The following EIF4G3 variants were observed in gnomAD, a reference collection of about 807,000 sequenced individuals.
EIF4G3 encodes eIF-4-gamma 3.
In EIF4G3, 34 loss-of-function variants were observed where a neutral mutation model predicts 186.4. The observed-to-expected ratio is 0.18, with a 90% confidence interval of 0.14 to 0.24. The LOEUF is 0.24. Ranked by LOEUF, EIF4G3 falls within the 10% of genes least tolerant of loss-of-function variation. The pLI, the probability that EIF4G3 is intolerant of heterozygous loss-of-function variation, is 1.00. For missense variants in EIF4G3, 1,536 were observed against 1,948.5 expected (o/e 0.79, Z 3.99); for synonymous variants, 673 against 679.5 (o/e 0.99, Z 0.15).
intron 14 of EIF4G3, among the ~76,000 whole-genome samples, chr1:20,932,072 G>C (rs1024539279): frequency 6.6e-6 from 1 of 152,126 alleles, no homozygotes; most frequent in Non-Finnish European, 1.5e-5. Context: ...AGATCATCTG[G>C]ATAACTTCCT....
At chr1:20,914,642 CAATAGAA>C (rs1373955695) in intron 14 of EIF4G3, among the ~76,000 whole-genome samples, 2 of 152,068 alleles carry the variant, frequency 1.3e-5, no homozygotes, top group Non-Finnish European at 2.9e-5. Context: ...ATTACAACAG[CAATAGAA>C]AATAGAAAAT....
intron 4 of EIF4G3, among the ~76,000 whole-genome samples, chr1:21,025,229 G>C (rs1244466659): frequency 6.6e-6 from 1 of 152,180 alleles, no homozygotes; most frequent in African/African-American, 2.4e-5. Context: ...ATTAGGGCCA[G>C]ACTAAAAAGA....
At chr1:20,910,787 A>G (rs2093069401) in intron 14 of EIF4G3, among the ~76,000 whole-genome samples, 1 of 152,198 alleles carries the variant, frequency 6.6e-6, no homozygotes, top group African/African-American at 2.4e-5. Flanking sequence ...AGAGTAGGTT[A>G]AGGTTAAAAA....
chr1:21,074,031 G>A (rs1572111043), intron 3 of EIF4G3, among the ~76,000 whole-genome samples: 1 of 152,030 alleles, frequency 6.6e-6, no homozygotes, highest in Admixed American at 6.6e-5. Context: ...CCACCATCTA[G>A]TAGAGTACCA....
chr1:21,138,256 G>A (rs979403007), intron 2 of EIF4G3, among the ~76,000 whole-genome samples: 2 of 152,146 alleles, frequency 1.3e-5, no homozygotes, highest in East Asian at 1.9e-4. Context: ...TATAGAATCA[G>A]TCCCCGAAGC....
chr1:20,838,308 GAC>G (rs987260949), intron 30 of EIF4G3, among the ~76,000 whole-genome samples: 1 of 152,128 alleles, frequency 6.6e-6, no homozygotes, highest in African/African-American at 2.4e-5. Flanking sequence ...AGTTTGAAGA[GAC>G]AGAAAATGGT....
In EIF4G3 at chr1:20,980,390, G is replaced by A. The variant is rs746366860; in HGVS notation, c.437C>T (p.Pro146Leu). 15 of 1,548,002 alleles carry A rather than the reference G, an allele frequency of 9.7e-6. No homozygotes were observed. Among genetic ancestry groups the A allele is most frequent in the South Asian group, 3.7e-5 (3 of 80,934 alleles). Reference sequence around the variant, plus strand: ...TCCAGGATAAAAAGGACCTGGCCCCGGTGGTTGAACTGGATATTGTTGGGG... The same window carrying A: ...TCCAGGATAAAAAGGACCTGGCCCCAGTGGTTGAACTGGATATTGTTGGGG... The part of the protein sequence containing the change: ...GPPQQYPVQP[P>L]GPGPFYPGPG... Residue 146 changes from proline to leucine, a missense_variant, in exon 10 of 37, where the codon CCG (proline) becomes CTG (leucine). By Grantham distance (98) the Pro-to-Leu change is moderately conservative (BLOSUM62 -3). Transcript: ENST00000602326.
At chr1:20,949,324 C>A (rs1384989513) in intron 13 of EIF4G3, among the ~76,000 whole-genome samples, 1 of 152,162 alleles carries the variant, frequency 6.6e-6, no homozygotes, top group Non-Finnish European at 1.5e-5. Context: ...ACATTTGGCA[C>A]CTTCATGTTC....
At chr1:20,929,745 C>A (rs2095197236) in intron 14 of EIF4G3, among the ~76,000 whole-genome samples, 2 of 152,072 alleles carry the variant, frequency 1.3e-5, no homozygotes, top group African/African-American at 4.8e-5. Context: ...GAGAAACAGA[C>A]TCAAAGAGGT....
At chr1:21,061,715 A>AAT (rs2094922840) in intron 3 of EIF4G3, among the ~76,000 whole-genome samples, 2 of 151,642 alleles carry the variant, frequency 1.3e-5, no homozygotes, top group African/African-American at 4.8e-5. Context: ...CTCATTATGT[A>AAT]ATCAATATGG....
chr1:21,009,960 G>T (rs1429913225), intron 4 of EIF4G3, among the ~76,000 whole-genome samples: 1 of 151,994 alleles, frequency 6.6e-6, no homozygotes, highest in Non-Finnish European at 1.5e-5. Context: ...GCTGAAAACT[G>T]TCTTCTTAAG....
chr1:21,148,340 G>T (rs1404316605), intron 2 of EIF4G3, among the ~76,000 whole-genome samples: 2 of 152,042 alleles, frequency 1.3e-5, no homozygotes, highest in East Asian at 3.9e-4. Flanking sequence ...CAAAGTGCTG[G>T]TTATTACACG....
chr1:21,128,792 T>C (rs2097098350), intron 2 of EIF4G3, among the ~76,000 whole-genome samples: 1 of 152,206 alleles, frequency 6.6e-6, no homozygotes, highest in Non-Finnish European at 1.5e-5. Context: ...GAATGTTTCT[T>C]GCAGTGAAAT....
intron 29 of EIF4G3, among the ~76,000 whole-genome samples, chr1:20,846,234 C>T (rs1367532691): frequency 6.6e-6 from 1 of 152,120 alleles, no homozygotes; most frequent in East Asian, 1.9e-4. Flanking sequence ...CATCTGCAAA[C>T]AGGGAGAGTT....
chr1:20,999,365 C>T, intron 6 of EIF4G3: 1 of 395,596 alleles, frequency 2.5e-6, no homozygotes, highest in Non-Finnish European at 5.1e-6. Context: ...CTACTATGGA[C>T]AAGAACAGGC....
chr1:21,156,974 C>T (rs117179446), intron 2 of EIF4G3, among the ~76,000 whole-genome samples: 1 of 152,174 alleles, frequency 6.6e-6, no homozygotes, highest in East Asian at 1.9e-4. Flanking sequence ...AGAAGTACTG[C>T]GTGAGCCTGA....
intron 29 of EIF4G3, 105 bp from the exon 30 acceptor site, chr1:20,841,133 T>A: frequency 8.9e-7 from 1 of 1,127,498 alleles, no homozygotes; most frequent in Non-Finnish European, 1.3e-6. Flanking sequence ...AGTAGAAACT[T>A]CCATGAACAG....
chr1:21,088,348 A>C (rs2096065846), intron 3 of EIF4G3, among the ~76,000 whole-genome samples: 1 of 152,114 alleles, frequency 6.6e-6, no homozygotes, highest in Non-Finnish European at 1.5e-5. Flanking sequence ...TGAACTGGGA[A>C]GGCAGAGGTT....
At chr1:20,989,956 C>T (rs2080701093) in intron 7 of EIF4G3, among the ~76,000 whole-genome samples, 1 of 152,182 alleles carries the variant, frequency 6.6e-6, no homozygotes. Context: ...ACGGGCGGAT[C>T]ACCTGAGGTC....
Sources: allele counts gnomAD v4.1 joint callset (sites outside exome capture counted in the v4.1 genomes callset), GRCh38; gene constraint gnomAD v4.1.1; transcripts MANE v1.5; gene names NCBI Gene and HGNC (gene_info 2026-07-23, HGNC 2026-07-21).